Variants in SEL1L3 observed in about 807,000 individuals in gnomAD.
SEL1L3 encodes the protein SEL1L family member 3.
In SEL1L3, 76 loss-of-function variants were observed where a neutral mutation model predicts 142.8. The ratio of observed to expected loss-of-function variants is 0.53; its 90% CI spans 0.44 to 0.64. SEL1L3 has a LOEUF of 0.64. Ranked by LOEUF, SEL1L3 falls within the 30% of genes least tolerant of loss-of-function variation. The pLI, the probability that SEL1L3 is intolerant of heterozygous loss-of-function variation, is 0.00. For missense variants in SEL1L3, 1,262 were observed against 1,381.7 expected (o/e 0.91, Z 1.37); for synonymous variants, 504 against 519.6 (o/e 0.97, Z 0.41).
intron 15 of SEL1L3, among the ~76,000 whole-genome samples, chr4:25,781,171 A>G (rs1719975485): frequency 6.6e-6 from 1 of 152,098 alleles, no homozygotes; most frequent in African/African-American, 2.4e-5. Flanking sequence ...AGTTCTCTGC[A>G]TAGCACTGAT....
At chr4:25,832,887 T>C in intron 5 of SEL1L3, 108 bp downstream of exon 5, 1 of 670,464 alleles carries the variant, frequency 1.5e-6, no homozygotes, top group Non-Finnish European at 2.7e-6. Flanking sequence ...GTCTATCATT[T>C]ACCACAAATT....
chr4:25,860,928 C>T (rs955461633), intron 1 of SEL1L3, among the ~76,000 whole-genome samples: 1 of 152,168 alleles, frequency 6.6e-6, no homozygotes. Flanking sequence ...GTACACAGAA[C>T]TTTCACAGGA....
chr4:25,771,828 C>T (rs1378946), intron 17 of SEL1L3, among the ~76,000 whole-genome samples: 42,428 of 152,092 alleles, frequency 0.28, 6,226 homozygotes, highest in African/African-American at 0.35. Flanking sequence ...CTTTCCTTGG[C>T]TAACTTCTTC....
downstream of SEL1L3, among the ~76,000 whole-genome samples, chr4:25,746,948 C>A (rs564103552): frequency 6.6e-6 from 1 of 152,096 alleles, no homozygotes; most frequent in Non-Finnish European, 1.5e-5. Context: ...TAGTTTTCAT[C>A]GCCCCATTTT....
chr4:25,754,121 A>T (rs988365313), intron 23 of SEL1L3, among the ~76,000 whole-genome samples: 7 of 151,560 alleles, frequency 4.6e-5, no homozygotes, highest in Non-Finnish European at 1.0e-4. Flanking sequence ...TGACCAACAC[A>T]GAGAAACCCT....
intron 11 of SEL1L3, among the ~76,000 whole-genome samples, chr4:25,796,596 T>C (rs918349440): frequency 3.3e-5 from 5 of 151,912 alleles, no homozygotes; most frequent in Non-Finnish European, 7.4e-5. Flanking sequence ...AGTTCGAGGC[T>C]AGCCTGGCCA....
chr4:25,855,732 G>C (rs748640301), intron 1 of SEL1L3, among the ~76,000 whole-genome samples: 7 of 152,076 alleles, frequency 4.6e-5, no homozygotes, highest in Non-Finnish European at 8.8e-5. Flanking sequence ...CTGCACTCCA[G>C]CCTGGACAAC....
rs71184268 is a variant in SEL1L3, at chr4:25,846,912, C to CAAA, written c.733+379_733+381dup. 2.1e-3 allele frequency among the ~76,000 whole-genome samples: 148 copies of CAAA among 70,138 alleles called. 3 individuals carry two copies. Among genetic ancestry groups the CAAA allele is most frequent in the African/African-American group, 3.8e-3 (65 of 16,950 alleles). 46.0% of individuals were successfully genotyped at this position (70,138 alleles called of 152,430 possible). A position where few individuals can be genotyped will look rare whatever the true frequency, so the allele number is the denominator to read the frequency against. ...TGGGCAACAGAACAAGACTCCATCT[C>CAAA]AAAAAAAAAAAAAAAAAAAAAAGAG... On this transcript the variant is annotated intron_variant, in intron 2 of 23. Coordinates refer to ENST00000399878, the MANE Select transcript of SEL1L3 (RefSeq NM_015187.5).
At chr4:25,739,674 T>TCCA in the SEL1L3 span, among the ~76,000 whole-genome samples, 2 of 149,752 alleles carry the variant, frequency 1.3e-5, no homozygotes, top group Non-Finnish European at 3.0e-5. Flanking sequence ...ACCACTGCAC[T>TCCA]CCAGCCTGGT....
intron 6 of SEL1L3, among the ~76,000 whole-genome samples, chr4:25,826,867 T>G (rs1715129316): frequency 6.6e-6 from 1 of 152,162 alleles, no homozygotes; most frequent in African/African-American, 2.4e-5. Flanking sequence ...TTTCACCATG[T>G]TGCCCAGCCT....
At chr4:25,755,520 T>C (rs1331522859) in intron 23 of SEL1L3, among the ~76,000 whole-genome samples, 2 of 152,140 alleles carry the variant, frequency 1.3e-5, no homozygotes, top group South Asian at 2.1e-4. Context: ...TATCCAGACA[T>C]AGCCTTCTTT....
At chr4:25,819,326 A>G (rs1432536863) in intron 8 of SEL1L3, among the ~76,000 whole-genome samples, 1 of 139,832 alleles carries the variant, frequency 7.2e-6, no homozygotes, top group Non-Finnish European at 1.7e-5. Context: ...GAATGAGTCA[A>G]TTTCAAGGAT....
intron 13 of SEL1L3, among the ~76,000 whole-genome samples, chr4:25,787,854 G>A (rs1212512308): frequency 6.6e-6 from 1 of 152,172 alleles, no homozygotes; most frequent in Non-Finnish European, 1.5e-5. Context: ...TTGGGATCCA[G>A]CCCAATTACA....
At chr4:25,798,041 G>T (rs755003535) in intron 11 of SEL1L3, among the ~76,000 whole-genome samples, 1 of 152,176 alleles carries the variant, frequency 6.6e-6, no homozygotes, top group East Asian at 1.9e-4. Flanking sequence ...AAGCAGACAG[G>T]CAAGGTCAGG....
At chr4:25,774,300 G>A (rs148545521) in intron 17 of SEL1L3, among the ~76,000 whole-genome samples, 24 of 152,262 alleles carry the variant, frequency 1.6e-4, no homozygotes, top group South Asian at 4.2e-4. Context: ...GGCATCTCTC[G>A]AAACCTGTGG....
At chr4:25,720,646 T>C in the SEL1L3 span, 65 of 152,214 alleles carry the variant, frequency 4.3e-4, no homozygotes, top group African/African-American at 1.5e-3. Flanking sequence ...GAGGAGACAG[T>C]GAGAAATGTT....
chr4:25,810,256 A>C (rs1225533881), intron 9 of SEL1L3, among the ~76,000 whole-genome samples: 1 of 152,166 alleles, frequency 6.6e-6, no homozygotes, highest in African/African-American at 2.4e-5. Flanking sequence ...CCCTGGGGCC[A>C]TGCTGCCCAG....
chr4:25,797,024 CA>C (rs1309442194), intron 11 of SEL1L3, among the ~76,000 whole-genome samples: 44 of 146,558 alleles, frequency 3.0e-4, no homozygotes, highest in South Asian at 2.4e-3. Context: ...GAGGAAAAGA[CA>C]GGGGGAATAG....
At chr4:25,780,756 A>G (rs1038699647) in intron 15 of SEL1L3, among the ~76,000 whole-genome samples, 2 of 146,956 alleles carry the variant, frequency 1.4e-5, no homozygotes, top group Non-Finnish European at 1.5e-5. Context: ...AAAATTATAT[A>G]TAAACTATAT....
Sources: allele counts gnomAD v4.1 joint callset (sites outside exome capture counted in the v4.1 genomes callset), GRCh38; gene constraint gnomAD v4.1.1; transcripts MANE v1.5; gene names NCBI Gene and HGNC (gene_info 2026-07-23, HGNC 2026-07-21).